The following PRKD1 variants were observed in gnomAD, a reference collection of about 807,000 sequenced individuals.
PRKD1 encodes serine/threonine-protein kinase D1.
A neutral mutation model predicts 95.9 loss-of-function variants in PRKD1; 63 were observed. The ratio of observed to expected loss-of-function variants is 0.66; its 90% CI spans 0.54 to 0.81. PRKD1 has a LOEUF of 0.81. PRKD1 is among the 30% of genes least tolerant of loss of function. The pLI is 0.00. For synonymous variants in PRKD1, 425 were observed against 423.1 expected (o/e 1.00, Z -0.05); for missense variants, 1,048 against 1,165.3 (o/e 0.90, Z 1.47).
chr14:29,579,056 C>T lies in PRKD1; in HGVS notation c.2435-696G>A, dbSNP rs148262087. Among the ~76,000 whole-genome samples the T allele has an allele frequency of 1.3e-4, 20 of 151,892 alleles. No individual in the cohort carries two copies. In the East Asian group the frequency reaches 3.9e-3, roughly 30 times the overall value. ...GAAATGTTCTCTGAGGGGTTAGAACCACAATCCCTCTGGCCTAGTACTCTG... is the reference window on the plus strand; with the variant it reads ...GAAATGTTCTCTGAGGGGTTAGAACTACAATCCCTCTGGCCTAGTACTCTG... On this transcript the variant is annotated intron_variant, in intron 16 of 17. Coordinates refer to ENST00000331968, the MANE Select transcript of PRKD1 (RefSeq NM_002742.3).
intron 1 of PRKD1, among the ~76,000 whole-genome samples, chr14:29,777,858 A>C (rs541089359): frequency 2.8e-3 from 425 of 152,302 alleles, no homozygotes; most frequent in Admixed American, 8.9e-3. Context: ...TCAGCACCAC[A>C]TCACACTTAT....
At chr14:29,899,649 A>G (rs932142408) in intron 1 of PRKD1, among the ~76,000 whole-genome samples, 1 of 152,156 alleles carries the variant, frequency 6.6e-6, no homozygotes, top group Admixed American at 6.6e-5. Context: ...TGTGTCTCAA[A>G]AACTTAAATT....
intron 15 of PRKD1, among the ~76,000 whole-genome samples, chr14:29,598,446 G>C (rs937782167): frequency 6.6e-6 from 1 of 152,050 alleles, no homozygotes; most frequent in African/African-American, 2.4e-5. Context: ...TGCAAATCTG[G>C]GAAGTGATGA....
At chr14:29,738,559 T>G (rs950673296) in intron 1 of PRKD1, among the ~76,000 whole-genome samples, 2 of 152,214 alleles carry the variant, frequency 1.3e-5, no homozygotes, top group Non-Finnish European at 2.9e-5. Flanking sequence ...TCATAAAGTA[T>G]TACTTAAAAT....
intron 13 of PRKD1, among the ~76,000 whole-genome samples, chr14:29,609,166 A>G (rs1248795106): frequency 6.6e-6 from 1 of 152,178 alleles, no homozygotes; most frequent in Non-Finnish European, 1.5e-5. Flanking sequence ...GAACTAGAGT[A>G]TAATTATACT....
chr14:29,606,162 GC>G (rs1303584765), intron 13 of PRKD1, among the ~76,000 whole-genome samples: 4 of 151,988 alleles, frequency 2.6e-5, no homozygotes, highest in African/African-American at 7.2e-5. Flanking sequence ...ACAGGTGCCC[GC>G]CACCATGCCT....
At chr14:29,891,170 A>C (rs1893925292) in intron 1 of PRKD1, among the ~76,000 whole-genome samples, 1 of 152,200 alleles carries the variant, frequency 6.6e-6, no homozygotes, top group African/African-American at 2.4e-5. Flanking sequence ...GACAAATGTA[A>C]AACAAGTGAG....
chr14:29,606,495 T>C (rs999550633), intron 13 of PRKD1, among the ~76,000 whole-genome samples: 11 of 152,306 alleles, frequency 7.2e-5, no homozygotes, highest in Admixed American at 6.5e-4. Context: ...GATTTCAACA[T>C]CTTTGATAGG....
At chr14:29,779,943 T>C (rs1269130813) in intron 1 of PRKD1, among the ~76,000 whole-genome samples, 1 of 152,046 alleles carries the variant, frequency 6.6e-6, no homozygotes, top group East Asian at 1.9e-4. Flanking sequence ...AACAGATATA[T>C]ACACCAATGG....
intron 1 of PRKD1, among the ~76,000 whole-genome samples, chr14:29,873,612 C>T (rs6571322): frequency 0.47 from 71,369 of 151,966 alleles, 18,292 homozygotes; most frequent in African/African-American, 0.69. Context: ...TGCAAAAGGT[C>T]CTTTGTATAC....
At chr14:29,902,216 G>A (rs937000522) in intron 1 of PRKD1, among the ~76,000 whole-genome samples, 4 of 150,428 alleles carry the variant, frequency 2.7e-5, no homozygotes, top group Non-Finnish European at 4.4e-5. Flanking sequence ...CTAAGATCAC[G>A]CCATTGCACT....
At chr14:29,698,657 C>A (rs1387138424) in intron 2 of PRKD1, among the ~76,000 whole-genome samples, 2 of 151,818 alleles carry the variant, frequency 1.3e-5, no homozygotes, top group African/African-American at 4.8e-5. Flanking sequence ...GCATTTAAAG[C>A]CATTTGATAA....
rs755296828 is a variant in PRKD1 at position 29,599,849 on chromosome 14, A to AT, written c.1906-33dup. ...AAGATAAATAAAGCACTTGAAGAAA[A>AT]TGAGTTTTTTGATACTGTTTGGCAA... On this transcript the variant is annotated intron_variant, in intron 13 of 17. Coordinates refer to ENST00000331968, the MANE Select transcript of PRKD1 (RefSeq NM_002742.3). 12 of 1,586,016 alleles carry AT rather than the reference A, an allele frequency of 7.6e-6. 1 individual carries two copies. In the East Asian group the frequency reaches 2.7e-4, roughly 36 times the overall value.
At chr14:29,926,091 C>A (rs1277651910) in intron 1 of PRKD1, among the ~76,000 whole-genome samples, 1 of 152,208 alleles carries the variant, frequency 6.6e-6, no homozygotes, top group Admixed American at 6.5e-5. Context: ...CTAGAACTTT[C>A]ACAACTTTCT....
intron 1 of PRKD1, among the ~76,000 whole-genome samples, chr14:29,775,894 C>A (rs1888725582): frequency 6.6e-6 from 1 of 152,140 alleles, no homozygotes; most frequent in Non-Finnish European, 1.5e-5. Context: ...GAGGCACCTC[C>A]CAGTAGGGGC....
intron 1 of PRKD1, among the ~76,000 whole-genome samples, chr14:29,726,166 A>G (rs1886132737): frequency 6.6e-6 from 1 of 152,190 alleles, no homozygotes; most frequent in African/African-American, 2.4e-5. Flanking sequence ...CATATTCTGT[A>G]TGTGAGTAGT....
At position 29,605,839 on chromosome 14, in the gene PRKD1, A is replaced by G. The variant is rs142430958; in HGVS notation, c.1906-6022T>C. 4.0e-3 allele frequency among the ~76,000 whole-genome samples: 602 copies of G among 152,294 alleles called. 1 individual carries two copies. The highest frequency in any genetic ancestry group is 0.013 in the African/African-American group (559 of 41,566). ...CTCCATGGCTTTTAGATATGCTAGTACGTGTTCGACATATTTAGTGATAGT... is the reference window on the plus strand; with the variant it reads ...CTCCATGGCTTTTAGATATGCTAGTGCGTGTTCGACATATTTAGTGATAGT... On this transcript the variant is annotated intron_variant, in intron 13 of 17. Coordinates refer to ENST00000331968, the MANE Select transcript of PRKD1 (RefSeq NM_002742.3).
At chr14:29,670,986 C>G (rs933431639) in intron 2 of PRKD1, among the ~76,000 whole-genome samples, 2 of 151,964 alleles carry the variant, frequency 1.3e-5, no homozygotes, top group African/African-American at 4.8e-5. Flanking sequence ...TTTGACTTAA[C>G]ATCTGACCAG....
chr14:29,788,229 TGAGTA>T (rs558234228), intron 1 of PRKD1, among the ~76,000 whole-genome samples: 6 of 152,234 alleles, frequency 3.9e-5, no homozygotes, highest in Non-Finnish European at 5.9e-5. Flanking sequence ...TTCAATACTT[TGAGTA>T]TAGTATCTCA....
Sources: allele counts gnomAD v4.1 joint callset (sites outside exome capture counted in the v4.1 genomes callset), GRCh38; gene constraint gnomAD v4.1.1; transcripts MANE v1.5; gene names NCBI Gene and HGNC (gene_info 2026-07-23, HGNC 2026-07-21).